Variants in SPAG16 observed in about 807,000 individuals in gnomAD.
SPAG16 encodes the protein sperm associated antigen 16, also known as sperm-associated antigen 16 protein.
SPAG16 carries 86 observed loss-of-function variants against 80.4 expected under a neutral mutation model. The observed-to-expected ratio is 1.07, with a 90% CI of 0.90 to 1.28. The LOEUF is 1.28. SPAG16 is among the 50% of genes most tolerant of loss of function. SPAG16 has a pLI of 0.00. For synonymous variants in SPAG16, 294 were observed against 265.9 expected (o/e 1.11, Z -1.03); for missense variants, 870 against 765.3 (o/e 1.14, Z -1.61).
intron 9 of SPAG16, among the ~76,000 whole-genome samples, chr2:213,473,016 G>A (rs1380561881): frequency 6.6e-6 from 1 of 152,142 alleles, no homozygotes; most frequent in South Asian, 2.1e-4. Context: ...TTCTGTGTCT[G>A]TAAACTGGCT....
At chr2:213,681,688 C>G (rs1201770896) in intron 10 of SPAG16, among the ~76,000 whole-genome samples, 1 of 152,140 alleles carries the variant, frequency 6.6e-6, no homozygotes, top group African/African-American at 2.4e-5. Flanking sequence ...GTTTCCTCAT[C>G]AAGGAAAGAT....
chr2:213,768,359 G>T (rs778880111), intron 10 of SPAG16, among the ~76,000 whole-genome samples: 1 of 152,170 alleles, frequency 6.6e-6, no homozygotes, highest in Admixed American at 6.6e-5. Flanking sequence ...TAACACCAGT[G>T]CCAAGAGTGG....
At chr2:213,386,527 T>C (rs2067439106) in intron 9 of SPAG16, among the ~76,000 whole-genome samples, 1 of 152,224 alleles carries the variant, frequency 6.6e-6, no homozygotes, top group East Asian at 1.9e-4. Context: ...TAACTTTCCC[T>C]AAAACATGCC....
chr2:214,184,626 A>G (rs530451439), intron 15 of SPAG16, among the ~76,000 whole-genome samples: 2 of 152,222 alleles, frequency 1.3e-5, no homozygotes, highest in South Asian at 4.1e-4. Flanking sequence ...GGCCAAAAAC[A>G]AAAGGTCATA....
At chr2:214,075,596 A>G (rs967093847) in intron 13 of SPAG16, among the ~76,000 whole-genome samples, 5 of 152,196 alleles carry the variant, frequency 3.3e-5, no homozygotes, top group African/African-American at 1.2e-4. Context: ...TTTTCTTACA[A>G]AATAAAACAG....
chr2:214,383,388 C>T (rs1700563873), intron 15 of SPAG16, among the ~76,000 whole-genome samples: 3 of 151,870 alleles, frequency 2.0e-5, no homozygotes, highest in African/African-American at 7.3e-5. Flanking sequence ...GCCTGGCCAC[C>T]ATGGCGAAAC....
intron 10 of SPAG16, among the ~76,000 whole-genome samples, chr2:213,830,197 AT>A (rs1559502616): frequency 2.6e-5 from 4 of 152,120 alleles, no homozygotes; most frequent in African/African-American, 9.7e-5. Flanking sequence ...TGGGATGGCA[AT>A]TTCTCTGTGG....
intron 13 of SPAG16, among the ~76,000 whole-genome samples, chr2:214,035,937 G>T (rs536298781): frequency 1.8e-4 from 27 of 152,188 alleles, no homozygotes; most frequent in Non-Finnish European, 5.9e-5. Context: ...ACTGCAGCCG[G>T]TGTCATGCAG....
At chr2:214,001,593 GT>G (rs1164357790) in intron 12 of SPAG16, among the ~76,000 whole-genome samples, 1 of 152,090 alleles carries the variant, frequency 6.6e-6, no homozygotes. Context: ...ACTCAGCAAT[GT>G]GACATTTCAC....
intron 10 of SPAG16, among the ~76,000 whole-genome samples, chr2:213,803,429 AC>A (rs1364849624): frequency 2.0e-5 from 3 of 152,182 alleles, no homozygotes; most frequent in Non-Finnish European, 4.4e-5. Flanking sequence ...GGAGTGAGAG[AC>A]AGATTTTACC....
rs550078173 is a variant in SPAG16, at chr2:213,347,239, T to C, written c.645-3289T>C. On this transcript the variant is annotated intron_variant, in intron 6 of 15. Transcript: ENST00000331683. ...GTGGGATCGGTGGTGATATCCCCTT[T>C]ATCATTTTTTATTGTGTCTATTTGA... 5.3e-5 allele frequency among the ~76,000 whole-genome samples: 8 copies of C among 152,290 alleles called. No homozygotes were observed. The East Asian group carries it at 1.5e-3, about 29-fold the overall frequency.
Position 213,490,210 on chromosome 2 carries a change from C to T in SPAG16, c.1070+120C>T, listed in dbSNP as rs2125727877. Reference sequence around the variant, plus strand: ...CTTTTAGCCTTTCAAAATTGCTACTCATAGCATGAAAGAATCTGCTTATAG... The same window carrying T: ...CTTTTAGCCTTTCAAAATTGCTACTTATAGCATGAAAGAATCTGCTTATAG... On this transcript the variant is annotated intron_variant, in intron 10 of 15. Coordinates refer to ENST00000331683, the MANE Select transcript of SPAG16 (RefSeq NM_024532.5). The T allele has an allele frequency of 7.4e-6, 7 of 944,270 alleles. No homozygotes were observed. The East Asian group carries it at 1.7e-4, about 23-fold the overall frequency. The allele number at this position is 944,270 out of a possible 1,614,324, so 58.5% of individuals were successfully genotyped here. A position where few individuals can be genotyped will look rare whatever the true frequency, so the allele number is the denominator to read the frequency against.
chr2:213,993,180 G>A (rs1473635660), intron 12 of SPAG16, among the ~76,000 whole-genome samples: 2 of 152,184 alleles, frequency 1.3e-5, no homozygotes, highest in African/African-American at 4.8e-5. Flanking sequence ...AGCTGCTGCT[G>A]ACACCCAACG....
At chr2:213,474,570 T>C (rs1258359448) in intron 9 of SPAG16, among the ~76,000 whole-genome samples, 8 of 152,188 alleles carry the variant, frequency 5.3e-5, no homozygotes, top group Admixed American at 5.2e-4. Context: ...ATTTATTTTG[T>C]GTATCTCTAT....
chr2:214,309,136 C>T (rs551442391), intron 15 of SPAG16, among the ~76,000 whole-genome samples: 23 of 152,034 alleles, frequency 1.5e-4, no homozygotes, highest in South Asian at 6.3e-4. Context: ...TTTAAGAAAG[C>T]CAGGCTTCAA....
At chr2:214,080,543 G>A (rs929017564) in intron 13 of SPAG16, among the ~76,000 whole-genome samples, 7 of 150,236 alleles carry the variant, frequency 4.7e-5, no homozygotes, top group Non-Finnish European at 1.0e-4. Context: ...GGGAGGCAGA[G>A]CTTGCAGTGA....
In SPAG16 at chr2:214,145,274, A is replaced by C. The variant is rs1371571673; in HGVS notation, c.1594-3866A>C. 9.2e-5 allele frequency among the ~76,000 whole-genome samples: 14 copies of C among 152,220 alleles called. No homozygotes were observed. In the East Asian group the frequency reaches 2.1e-3, roughly 23 times the overall value. On this transcript the variant is annotated intron_variant, in intron 14 of 15. Coordinates refer to ENST00000331683, the MANE Select transcript of SPAG16 (RefSeq NM_024532.5). ...TCTGTTGATAACAAGTTTACATAAC[A>C]GTTGCCTCAAGCAGTTTTCTGAACC...
intron 13 of SPAG16, among the ~76,000 whole-genome samples, chr2:214,106,733 G>A (rs992222800): frequency 2.6e-5 from 4 of 152,056 alleles, no homozygotes; most frequent in African/African-American, 7.2e-5. Flanking sequence ...AAGATTTAAG[G>A]TTAAATAAAT....
intron 10 of SPAG16, among the ~76,000 whole-genome samples, chr2:213,512,580 C>G: frequency 6.6e-6 from 1 of 152,072 alleles, no homozygotes; most frequent in East Asian, 1.9e-4. Context: ...GGCTAGGAGA[C>G]TGGAGCTGTC....
Sources: allele counts gnomAD v4.1 joint callset (sites outside exome capture counted in the v4.1 genomes callset), GRCh38; gene constraint gnomAD v4.1.1; transcripts MANE v1.5; gene names NCBI Gene and HGNC (gene_info 2026-07-23, HGNC 2026-07-21).